ESRRG: variants seen among roughly 807,000 people sequenced by gnomAD.
ESRRG encodes the protein estrogen-related receptor gamma.
A neutral mutation model predicts 44.0 loss-of-function variants in ESRRG; 13 were observed. The ratio of observed to expected loss-of-function variants is 0.30; its 90% confidence interval spans 0.19 to 0.47. The LOEUF (loss-of-function observed/expected upper bound fraction) is 0.47, where lower values mean the gene tolerates loss of function less well. ESRRG is among the 20% of genes least tolerant of loss of function. The pLI is 1.00. For synonymous variants in ESRRG, 215 were observed against 214.6 expected, an observed-to-expected ratio of 1.00 and a Z score of -0.02; for missense variants, 395 against 580.6, an observed-to-expected ratio of 0.68 and a Z score of 3.29.
chr1:217,059,395 G>A (rs77527301), intron 1 of ESRRG, among the ~76,000 whole-genome samples: 3,059 of 151,954 alleles, frequency 0.02, 92 homozygotes, highest in African/African-American at 0.07. Context: ...CAGTACCAAC[G>A]CGCATCCCTA....
intron 2 of ESRRG, among the ~76,000 whole-genome samples, chr1:216,830,106 T>C (rs1246462950): frequency 1.3e-5 from 2 of 152,160 alleles, no homozygotes; most frequent in Admixed American, 6.5e-5. Context: ...GGGCCTACAA[T>C]GCATTCATTG....
At chr1:216,706,412 G>A (rs1482665959) in intron 1 of ESRRG, among the ~76,000 whole-genome samples, 2 of 152,140 alleles carry the variant, frequency 1.3e-5, no homozygotes, top group Non-Finnish European at 2.9e-5. Context: ...AAAACCATAT[G>A]TTTACAGCCT....
chr1:217,084,093 C>T (rs2091931594), intron 1 of ESRRG, among the ~76,000 whole-genome samples: 1 of 149,804 alleles, frequency 6.7e-6, no homozygotes, highest in Non-Finnish European at 1.5e-5. Context: ...AGGTTTTTTT[C>T]CCCATTAAGG....
rs143023326 is a variant in ESRRG at position 216,723,419 on chromosome 1, G to T, written c.-120C>A. On this transcript the variant is annotated 5_prime_UTR_variant, in exon 1 of 7. Transcript: ENST00000408911. ...CAAGCCTATAGGCACAGCCAGTTGG[G>T]ACCAAAGCTCTCACACTCTCCTAAT... The T allele has an allele frequency of 3.3e-4, 289 of 875,696 alleles. 3 individuals carry two copies. The East Asian group carries it at 5.6e-3, about 17-fold the overall frequency. The allele number at this position is 875,696 out of a possible 1,614,324, so 54.2% of individuals were successfully genotyped here.
intron 2 of ESRRG, among the ~76,000 whole-genome samples, chr1:216,924,727 T>C (rs1262648624): frequency 6.6e-6 from 1 of 152,180 alleles, no homozygotes; most frequent in African/African-American, 2.4e-5. Flanking sequence ...TTGTTGTTAT[T>C]GATAGAGTTT....
rs556360249 is a variant in ESRRG at position 217,125,052 on chromosome 1, C to G, written c.-230+12615G>C. Among the ~76,000 whole-genome samples the G allele has an allele frequency of 2.6e-4, 40 of 152,302 alleles. No homozygotes were observed. In the South Asian group the frequency reaches 7.9e-3, roughly 30 times the overall value. ...TCCACTCCATTTCTAAATTCTCACT[C>G]CAGGGCCTCTGAAGACAGCTCAGGG... is the stretch of plus-strand genomic sequence containing the variant. On this transcript the variant is annotated intron_variant, in intron 1 of 8. Transcript: ENST00000366940.
intron 2 of ESRRG, among the ~76,000 whole-genome samples, chr1:216,801,638 G>C (rs912297598): frequency 8.5e-5 from 13 of 152,234 alleles, no homozygotes; most frequent in Non-Finnish European, 1.5e-4. Context: ...CATCCTAACA[G>C]GTGTGAGATG....
intron 3 of ESRRG, among the ~76,000 whole-genome samples, chr1:216,580,397 G>GA (rs1053194957): frequency 6.6e-6 from 1 of 151,258 alleles, no homozygotes; most frequent in Admixed American, 6.6e-5. Flanking sequence ...AAGCATTGAA[G>GA]AAAAAAAAGG....
chr1:216,720,695 G>A (rs2086063266), intron 1 of ESRRG, among the ~76,000 whole-genome samples: 2 of 152,128 alleles, frequency 1.3e-5, no homozygotes, highest in South Asian at 2.1e-4. Context: ...AAGAAGAGAT[G>A]AGAAAAAGAA....
intron 2 of ESRRG, among the ~76,000 whole-genome samples, chr1:216,763,103 T>C (rs1172041336): frequency 6.6e-6 from 1 of 152,130 alleles, no homozygotes; most frequent in East Asian, 1.9e-4. Flanking sequence ...ACAATTATAT[T>C]GGGAAGCTAT....
rs538449385 is a variant in ESRRG at position 216,932,965 on chromosome 1, A to T, written c.-14+6617T>A. The stretch of plus-strand genomic sequence containing the variant: ...CAATCCTACTCTAGATAACTATCCT[A>T]CAGGAGTAAGACCACAAGAATTAAA... On this transcript the variant is annotated intron_variant, in intron 2 of 7. Transcript: ENST00000359162. Among the ~76,000 whole-genome samples the T allele has an allele frequency of 1.8e-3, 270 of 151,984 alleles. 4 individuals carry two copies. The highest frequency in any genetic ancestry group is 6.1e-3 in the African/African-American group (254 of 41,534).
chr1:216,879,662 G>A (rs1378889937), intron 2 of ESRRG, among the ~76,000 whole-genome samples: 1 of 152,056 alleles, frequency 6.6e-6, no homozygotes. Flanking sequence ...AGAGTTAATG[G>A]AAGCACTGTT....
intron 2 of ESRRG, among the ~76,000 whole-genome samples, chr1:216,844,728 C>T (rs2095712756): frequency 6.6e-6 from 1 of 151,908 alleles, no homozygotes. Flanking sequence ...GCACTCTTTC[C>T]TCCCCTACCT....
At chr1:216,686,896 A>T (rs910951019) in intron 1 of ESRRG, among the ~76,000 whole-genome samples, 7 of 152,146 alleles carry the variant, frequency 4.6e-5, no homozygotes, top group African/African-American at 1.7e-4. Context: ...TAAAAAACAC[A>T]CTGGCTTGTA....
At chr1:216,802,305 T>C (rs549115347) in intron 2 of ESRRG, among the ~76,000 whole-genome samples, 48 of 152,082 alleles carry the variant, frequency 3.2e-4, no homozygotes, top group African/African-American at 1.2e-3. Flanking sequence ...ACAAAGGAAG[T>C]GGGAGAATTG....
chr1:216,706,620 C>T (rs1268080434), intron 1 of ESRRG, among the ~76,000 whole-genome samples: 1 of 152,140 alleles, frequency 6.6e-6, no homozygotes, highest in African/African-American at 2.4e-5. Context: ...TATCCTGAGA[C>T]AAGCACTCAG....
At chr1:216,562,056 C>T (rs1389715358) in intron 5 of ESRRG, among the ~76,000 whole-genome samples, 1 of 152,156 alleles carries the variant, frequency 6.6e-6, no homozygotes, top group Admixed American at 6.5e-5. Flanking sequence ...GATGCACAGT[C>T]GGACCTACAT....
intron 1 of ESRRG, among the ~76,000 whole-genome samples, chr1:217,041,970 A>T (rs908497607): frequency 6.6e-6 from 1 of 152,170 alleles, no homozygotes; most frequent in South Asian, 2.1e-4. Context: ...GGCATGTATC[A>T]TCTGAAACCC....
At chr1:216,622,110 T>C (rs1482417877) in intron 3 of ESRRG, among the ~76,000 whole-genome samples, 2 of 152,206 alleles carry the variant, frequency 1.3e-5, no homozygotes, top group East Asian at 3.9e-4. Flanking sequence ...TCTCTATCCT[T>C]AGCTCCAAAT....
Sources: allele counts gnomAD v4.1 joint callset (sites outside exome capture counted in the v4.1 genomes callset), GRCh38; gene constraint gnomAD v4.1.1; transcripts MANE v1.5; gene names NCBI Gene and HGNC (gene_info 2026-07-23, HGNC 2026-07-21).